The following KCNK12 variants were observed in gnomAD, a reference collection of about 807,000 sequenced individuals.
KCNK12 encodes potassium channel subfamily K member 12.
KCNK12 carries 6 observed loss-of-function variants against 25.3 expected under a neutral mutation model. The observed-to-expected ratio is 0.24, with a 90% CI of 0.13 to 0.47. The LOEUF is 0.47. Among genes scored for constraint, KCNK12 ranks in the 20% least tolerant of loss-of-function variants. The pLI, the probability that KCNK12 is intolerant of heterozygous loss-of-function variation, is 0.99. For missense variants in KCNK12, 444 were observed against 661.7 expected, an observed-to-expected ratio of 0.67 and a Z score of 3.61; for synonymous variants, 331 against 311.1, an observed-to-expected ratio of 1.06 and a Z score of -0.67.
Position 47,520,951 on chromosome 2 carries a change from C to A in KCNK12, c.1249G>T (p.Gly417Cys). The A allele has an allele frequency of 1.5e-6, 2 of 1,295,204 alleles. No homozygotes were observed. Among genetic ancestry groups the A allele is most frequent in the Non-Finnish European group, 2.0e-6 (2 of 1,019,530 alleles). The allele number at this position is 1,295,204 out of a possible 1,614,324, so 80.2% of individuals were successfully genotyped here. The part of the protein sequence containing the change: ...NGFSGGVGAL[G>C]IMNNRLAETS... ...TCGGCCAGCCGGTTGTTCATGATGC[C>A]CAGCGCGCCCACGCCGCCCGAGAAG... is the stretch of plus-strand genomic sequence containing the variant. Residue 417 changes from glycine (G) to cysteine (C), a missense_variant, in exon 2 of 2, where the codon GGC becomes TGC. Gly to Cys is a radical substitution (Grantham distance 159). This residue lies in a region of KCNK12 where 57 missense variants were observed against 68.9 expected (regional missense o/e 0.83). Transcript: ENST00000327876. The surrounding 1 kb of genome is among the most constrained non-coding windows in gnomAD (Gnocchi z 5.0).
chr2:47,523,948 AT>A (rs1668714885), intron 1 of KCNK12, among the ~76,000 whole-genome samples: 1 of 152,202 alleles, frequency 6.6e-6, no homozygotes, highest in African/African-American at 2.4e-5. Context: ...TATAGAAAAT[AT>A]TTCTTGTAAT....
rs1056512384 is a variant in KCNK12 at position 47,513,775 on chromosome 2, C to T, written c.*7132G>A. 6.6e-6 allele frequency among the ~76,000 whole-genome samples: 1 copy of T among 152,100 alleles called. No individual in the cohort carries two copies. The highest frequency in any genetic ancestry group is 6.6e-5 in the Admixed American group (1 of 15,262). On this transcript the variant is annotated 3_prime_UTR_variant, in exon 2 of 2. Transcript: ENST00000327876. ...GGCTGCTTAGCCTGAGACCTGGCTC[C>T]GTCCCAATTCCTCTCTCTCAGTCTT...
rs1237634522 is a variant in KCNK12, at chr2:47,569,217, C to T, written c.391+724G>A. On this transcript the variant is annotated intron_variant, in intron 1 of 1. Coordinates refer to ENST00000327876, the MANE Select transcript of KCNK12 (RefSeq NM_022055.2). The surrounding 1 kb of genome is among the most constrained non-coding windows in gnomAD (Gnocchi z 4.1). ...ATAGGGGAACTATCCCTGCTCCCAG[C>T]TACCCCTTGGTACCACTAATGGTTG... 6.6e-6 allele frequency among the ~76,000 whole-genome samples: 1 copy of T among 152,264 alleles called. No homozygotes were observed. Among genetic ancestry groups the T allele is most frequent in the South Asian group, 2.1e-4 (1 of 4,822 alleles).
At chr2:47,546,910 G>A (rs1261583573) in intron 1 of KCNK12, among the ~76,000 whole-genome samples, 1 of 142,218 alleles carries the variant, frequency 7.0e-6, no homozygotes, top group Non-Finnish European at 1.5e-5. Flanking sequence ...CTCAGAGGGA[G>A]TACAGCTGAG....
chr2:47,522,887 G>T (rs1668689200), intron 1 of KCNK12, among the ~76,000 whole-genome samples: 1 of 152,212 alleles, frequency 6.6e-6, no homozygotes, highest in East Asian at 1.9e-4. Context: ...GTTGTCATAT[G>T]TGCCCAATTT....
Position 47,551,542 on chromosome 2 carries a change from G to T in KCNK12, c.391+18399C>A, listed in dbSNP as rs764693554. Among the ~76,000 whole-genome samples the T allele has an allele frequency of 6.6e-6, 1 of 152,126 alleles. No individual in the cohort carries two copies. The highest frequency in any genetic ancestry group is 1.5e-5 in the Non-Finnish European group (1 of 68,016). On this transcript the variant is annotated intron_variant, in intron 1 of 1. Coordinates refer to ENST00000327876, the MANE Select transcript of KCNK12 (RefSeq NM_022055.2). This position sits in a 1 kb window ranked among gnomAD's most constrained non-coding sequence, Gnocchi z 5.3. Reference sequence around the variant, plus strand: ...GATTTTCAGTTGCTGGCACATAGTGGAGCGCTCAAGAAATATTTGTTGAAT... The same window carrying T: ...GATTTTCAGTTGCTGGCACATAGTGTAGCGCTCAAGAAATATTTGTTGAAT...
At position 47,547,513 on chromosome 2, in the gene KCNK12, A is replaced by C. The variant is rs1429890055; in HGVS notation, c.391+22428T>G. Among the ~76,000 whole-genome samples the C allele has an allele frequency of 6.6e-6, 1 of 152,170 alleles. No homozygotes were observed. The highest frequency in any genetic ancestry group is 2.4e-5 in the African/African-American group (1 of 41,424). ...GAGTGCAATGGCACGATCATAGCTC[A>C]CTGCATCCTTGAATTCCTGGCCTCA... is the stretch of plus-strand genomic sequence containing the variant. On this transcript the variant is annotated intron_variant, in intron 1 of 1. Coordinates refer to ENST00000327876, the MANE Select transcript of KCNK12 (RefSeq NM_022055.2). The surrounding 1 kb of genome is among the most constrained non-coding windows in gnomAD (Gnocchi z 5.0).
chr2:47,559,540 C>T (rs1669621189), intron 1 of KCNK12, among the ~76,000 whole-genome samples: 1 of 152,216 alleles, frequency 6.6e-6, no homozygotes, highest in Non-Finnish European at 1.5e-5. Context: ...CTTTGCTGCA[C>T]TTCGAAGTAG....
chr2:47,543,837 T>A (rs1373273076), intron 1 of KCNK12: 1 of 152,234 alleles, frequency 6.6e-6, no homozygotes, highest in Non-Finnish European at 1.5e-5. Context: ...AAAGTCTTTG[T>A]TTCCCATCCT....
rs1351702630 is a variant in KCNK12, at chr2:47,565,757, T to C, written c.391+4184A>G. The C allele has an allele frequency of 3.3e-5, 5 of 152,236 alleles. No homozygotes were observed. The highest frequency in any genetic ancestry group is 1.5e-5 in the Non-Finnish European group (1 of 68,042). 9.4% of individuals were successfully genotyped at this position (152,236 alleles called of 1,614,324 possible). A position where few individuals can be genotyped will look rare whatever the true frequency, so the allele number is the denominator to read the frequency against. On this transcript the variant is annotated intron_variant, in intron 1 of 1. Transcript: ENST00000327876. This position sits in a 1 kb window ranked among gnomAD's most constrained non-coding sequence, Gnocchi z 5.0. ...TGATGGGTTAATTCTGTTTGGATTG[T>C]TTGGAATATCTCTGAGCTGGAATAC...
chr2:47,548,163 CG>C lies in KCNK12; in HGVS notation c.391+21777del, dbSNP rs1291659679. ...CCAAGCTTCCTGTAGCTTGCAGAAC[CG>C]TAAGCCAATTAATCTTCTTTTCTTT... is the stretch of plus-strand genomic sequence containing the variant. On this transcript the variant is annotated intron_variant, in intron 1 of 1. Coordinates refer to ENST00000327876, the MANE Select transcript of KCNK12 (RefSeq NM_022055.2). This position sits in a 1 kb window ranked among gnomAD's most constrained non-coding sequence, Gnocchi z 4.4. Among the ~76,000 whole-genome samples, 16 of 152,130 alleles carry C rather than the reference CG, an allele frequency of 1.1e-4. No homozygotes were observed. Among genetic ancestry groups the C allele is most frequent in the African/African-American group, 3.9e-4 (16 of 41,424 alleles).
intron 1 of KCNK12, among the ~76,000 whole-genome samples, chr2:47,531,825 T>G (rs1668936865): frequency 6.6e-6 from 1 of 152,196 alleles, no homozygotes; most frequent in Admixed American, 6.5e-5. Flanking sequence ...AGTTTCCACT[T>G]CAGCCTCTGA....
Position 47,565,825 on chromosome 2 carries a change from GTTATCT to G in KCNK12, c.391+4110_391+4115del, listed in dbSNP as rs757546853. On this transcript the variant is annotated intron_variant, in intron 1 of 1. Coordinates refer to ENST00000327876, the MANE Select transcript of KCNK12 (RefSeq NM_022055.2). The surrounding 1 kb of genome is among the most constrained non-coding windows in gnomAD (Gnocchi z 5.0). ...TTTCGTGCTAAAAGAACACAAGACA[GTTATCT>G]TTATCTTTAGGAGTTCATACAATCA... 3.3e-5 allele frequency: 5 copies of G among 152,226 alleles called. No individual in the cohort carries two copies. The highest frequency in any genetic ancestry group is 7.3e-5 in the Non-Finnish European group (5 of 68,036). The allele number at this position is 152,226 out of a possible 1,614,324, so 9.4% of individuals were successfully genotyped here.
rs965368176 is a variant in KCNK12, at chr2:47,512,061, G to C, written c.*8846C>G. 6.6e-6 allele frequency among the ~76,000 whole-genome samples: 1 copy of C among 152,158 alleles called. No homozygotes were observed. The highest frequency in any genetic ancestry group is 2.4e-5 in the African/African-American group (1 of 41,428). On this transcript the variant is annotated 3_prime_UTR_variant, in exon 2 of 2. Coordinates refer to ENST00000327876, the MANE Select transcript of KCNK12 (RefSeq NM_022055.2). The stretch of plus-strand genomic sequence containing the variant: ...CTGGAGCTCATGAAGTTTCTCATGG[G>C]GTGGGGTATGTGTGTTGAAGCTGCA...
rs996085930 is a variant in KCNK12, at chr2:47,520,858, G to A, written c.*49C>T. On this transcript the variant is annotated 3_prime_UTR_variant, in exon 2 of 2. Coordinates refer to ENST00000327876, the MANE Select transcript of KCNK12 (RefSeq NM_022055.2). This position sits in a 1 kb window ranked among gnomAD's most constrained non-coding sequence, Gnocchi z 5.0. ...TGACTGAGAGAAGCAAACCACGCCC[G>A]GCGGCCCCGCGGCCTGGAGAGGGTC... 1.5e-5 allele frequency: 18 copies of A among 1,190,142 alleles called. No homozygotes were observed. In the African/African-American group the frequency reaches 2.4e-4, roughly 16 times the overall value. The allele number at this position is 1,190,142 out of a possible 1,614,324, so 73.7% of individuals were successfully genotyped here.
rs982783618 is a variant in KCNK12, at chr2:47,525,838, T to G, written c.392-4030A>C. Among the ~76,000 whole-genome samples the G allele has an allele frequency of 1.3e-5, 2 of 151,918 alleles. No individual in the cohort carries two copies. The highest frequency in any genetic ancestry group is 4.8e-5 in the African/African-American group (2 of 41,322). ...TGCAGGGCTCCCAAGGACCCATAAA[T>G]AGATGCCGTGAAAGCACATATGCCT... is the stretch of plus-strand genomic sequence containing the variant. On this transcript the variant is annotated intron_variant, in intron 1 of 1. Coordinates refer to ENST00000327876, the MANE Select transcript of KCNK12 (RefSeq NM_022055.2). This position sits in a 1 kb window ranked among gnomAD's most constrained non-coding sequence, Gnocchi z 4.1.
intron 1 of KCNK12, among the ~76,000 whole-genome samples, chr2:47,530,581 T>C (rs181109247): frequency 6.6e-6 from 1 of 152,230 alleles, no homozygotes; most frequent in Admixed American, 6.5e-5. Flanking sequence ...TGCCAAGTGC[T>C]GCACGCGTAT....
In KCNK12 at chr2:47,570,335, C is replaced by T; in HGVS notation, c.-4G>A. 1.6e-6 allele frequency: 2 copies of T among 1,273,098 alleles called. No homozygotes were observed. Among genetic ancestry groups the T allele is most frequent in the Middle Eastern group, 6.1e-4 (2 of 3,270 alleles). The allele number at this position is 1,273,098 out of a possible 1,614,324, so 78.9% of individuals were successfully genotyped here. ...GCCGGGGGCTGCGGGAGGACATGGT[C>T]CGGAGCTCAGCCCCGGGGCCGGGGC... On this transcript the variant is annotated 5_prime_UTR_variant, in exon 1 of 2. Coordinates refer to ENST00000327876, the MANE Select transcript of KCNK12 (RefSeq NM_022055.2).
chr2:47,515,579 T>C lies in KCNK12; in HGVS notation c.*5328A>G, dbSNP rs1003106139. ...ATGTCATGAAAGTCCCTGCTGTAGA[T>C]AAAAGATGGAGCTTGTGCTTCTGAG... On this transcript the variant is annotated 3_prime_UTR_variant, in exon 2 of 2. Coordinates refer to ENST00000327876, the MANE Select transcript of KCNK12 (RefSeq NM_022055.2). Among the ~76,000 whole-genome samples, 5 of 152,150 alleles carry C rather than the reference T, an allele frequency of 3.3e-5. No individual in the cohort carries two copies. The highest frequency in any genetic ancestry group is 1.2e-4 in the African/African-American group (5 of 41,444).
Sources: allele counts gnomAD v4.1 joint callset (sites outside exome capture counted in the v4.1 genomes callset), GRCh38; gene constraint gnomAD v4.1.1; regional missense constraint gnomAD v4.1.1; non-coding constraint Gnocchi (gnomAD v3.1); transcripts MANE v1.5; gene names NCBI Gene and HGNC (gene_info 2026-07-23, HGNC 2026-07-21).